GRIA2: variants seen among roughly 807,000 people sequenced by gnomAD.
GRIA2 encodes glutamate receptor 2.
A neutral mutation model predicts 97.3 loss-of-function variants in GRIA2; 14 were observed. The observed-to-expected ratio is 0.14, with a 90% CI of 0.10 to 0.23. The LOEUF is 0.23. Among genes scored for constraint, GRIA2 ranks in the 10% least tolerant of loss-of-function variants. The pLI is 1.00. For synonymous variants in GRIA2, 412 were observed against 387.8 expected, an observed-to-expected ratio of 1.06 and a Z score of -0.73; for missense variants, 558 against 1,069.8, an observed-to-expected ratio of 0.52 and a Z score of 6.67.
chr4:157,338,058 AT>A (rs58734857), intron 11 of GRIA2, among the ~76,000 whole-genome samples: 6,649 of 44,068 alleles, frequency 0.15, 627 homozygotes, highest in East Asian at 0.26. Context: ...ATACACACAC[AT>A]TTTTTTTATC....
chr4:157,314,258 T>A (rs960027686), intron 4 of GRIA2, among the ~76,000 whole-genome samples: 2 of 152,136 alleles, frequency 1.3e-5, no homozygotes. Flanking sequence ...GAGGAAAAAA[T>A]TTGATTCATT....
intron 2 of GRIA2, among the ~76,000 whole-genome samples, chr4:157,280,972 AAC>A (rs796740259): frequency 1.2e-4 from 18 of 152,072 alleles, no homozygotes; most frequent in African/African-American, 4.3e-4. Context: ...TCATTCAATT[AAC>A]AGTCTCAAAG....
chr4:157,252,290 G>T (rs992386253), intron 2 of GRIA2, among the ~76,000 whole-genome samples: 1 of 152,070 alleles, frequency 6.6e-6, no homozygotes, highest in African/African-American at 2.4e-5. Context: ...CGAGCCGACT[G>T]GGCCACTCTT....
rs1309184986 is a variant in GRIA2 at position 157,321,440 on chromosome 4, A to G, written c.723A>G (p.Gly241=). ...ATATCAATGTGTTCTATGTTTAGGG[A>G]TTTACTGATGGAGACCTATTAAAAA... ...KGYHYIIANL[G]FTDGDLLKIQ... The change falls in exon 6 of 16, where the codon GGA becomes GGG. Residue 241 remains glycine, a splice_region_variant and synonymous_variant. Transcript: ENST00000264426. The G allele has an allele frequency of 6.2e-7, 1 of 1,604,758 alleles. No homozygotes were observed. Among genetic ancestry groups the G allele is most frequent in the South Asian group, 1.1e-5 (1 of 90,006 alleles).
At chr4:157,308,438 T>A (rs1733935383) in intron 3 of GRIA2, among the ~76,000 whole-genome samples, 1 of 152,174 alleles carries the variant, frequency 6.6e-6, no homozygotes, top group Non-Finnish European at 1.5e-5. Context: ...TGTAGCAATA[T>A]TCTTGAGGGT....
chr4:157,220,713 A>C, upstream of GRIA2: 1 of 350,412 alleles, frequency 2.9e-6, no homozygotes, highest in Non-Finnish European at 5.3e-6. Context: ...GGGAGAAGAG[A>C]GCGCGAGAGA....
intron 12 of GRIA2, among the ~76,000 whole-genome samples, chr4:157,347,728 T>C (rs1294916866): frequency 1.3e-5 from 2 of 152,146 alleles, no homozygotes; most frequent in African/African-American, 4.8e-5. Flanking sequence ...CAGAGCTCTA[T>C]AGAGAAGAGA....
chr4:157,282,851 G>A (rs879238697), intron 2 of GRIA2, among the ~76,000 whole-genome samples: 4 of 152,090 alleles, frequency 2.6e-5, no homozygotes, highest in South Asian at 2.1e-4. Context: ...TGTATGAGCC[G>A]ACATCCAAAA....
intron 3 of GRIA2, among the ~76,000 whole-genome samples, chr4:157,307,318 C>T (rs1429519045): frequency 6.6e-6 from 1 of 152,144 alleles, no homozygotes; most frequent in Non-Finnish European, 1.5e-5. Context: ...GACTATATAC[C>T]ACTTTTAAAC....
chr4:157,288,412 G>T (rs1449776915), intron 2 of GRIA2, among the ~76,000 whole-genome samples: 1 of 151,032 alleles, frequency 6.6e-6, no homozygotes, highest in Non-Finnish European at 1.5e-5. Flanking sequence ...TAGGCCTCGG[G>T]TTACTCGATC....
chr4:157,297,197 T>TAG (rs1383780208), intron 2 of GRIA2, among the ~76,000 whole-genome samples: 1 of 152,090 alleles, frequency 6.6e-6, no homozygotes, highest in African/African-American at 2.4e-5. Context: ...AGAGCACAGA[T>TAG]AGAGAGGTCT....
chr4:157,309,969 G>A (rs936880142), intron 3 of GRIA2, among the ~76,000 whole-genome samples: 1 of 152,286 alleles, frequency 6.6e-6, no homozygotes, highest in South Asian at 2.1e-4. Context: ...TGACAAGGGG[G>A]AGTTGAACCA....
At position 157,338,355 on chromosome 4, in the gene GRIA2, G is replaced by A. The variant is rs144072270; in HGVS notation, c.1844+1608G>A. Among the ~76,000 whole-genome samples the A allele has an allele frequency of 8.1e-3, 1,233 of 151,942 alleles. 16 individuals are homozygous for A. The highest frequency in any genetic ancestry group is 0.024 in the African/African-American group (1,013 of 41,470). ...TGTATGTGGGTTCATTATGAAGTAG[G>A]ATGTGTCAGCCCAGTCTGGCCTGGG... On this transcript the variant is annotated intron_variant, in intron 11 of 15. Coordinates refer to ENST00000264426, the MANE Select transcript of GRIA2 (RefSeq NM_001083619.3).
rs185368667 is a variant in GRIA2 at position 157,364,780 on chromosome 4, A to G, written c.*1349A>G. On this transcript the variant is annotated 3_prime_UTR_variant, in exon 16 of 16. Transcript: ENST00000264426. The stretch of plus-strand genomic sequence containing the variant: ...AAAATATGTTTGAGTCTCCTGCAAT[A>G]TAGTTTCATCCCATTGACATCAATT... The G allele has an allele frequency of 2.0e-5, 3 of 152,244 alleles. No homozygotes were observed. The East Asian group carries it at 5.8e-4, about 29-fold the overall frequency. 9.4% of individuals were successfully genotyped at this position (152,244 alleles called of 1,614,324 possible). A position where few individuals can be genotyped will look rare whatever the true frequency, so the allele number is the denominator to read the frequency against.
intron 2 of GRIA2, 82 bp from the exon 3 acceptor site, chr4:157,303,470 A>C: frequency 1.8e-6 from 2 of 1,116,704 alleles, no homozygotes; most frequent in Non-Finnish European, 2.7e-6. Context: ...TTTATGTAAA[A>C]GGACATTACG....
chr4:157,318,284 T>C (rs1734413571), intron 5 of GRIA2, among the ~76,000 whole-genome samples: 1 of 152,186 alleles, frequency 6.6e-6, no homozygotes, highest in South Asian at 2.1e-4. Context: ...ATTTTTAGCA[T>C]ATATAATATC....
intron 2 of GRIA2, among the ~76,000 whole-genome samples, chr4:157,289,743 C>G (rs1312542090): frequency 1.3e-5 from 2 of 151,648 alleles, no homozygotes; most frequent in African/African-American, 2.4e-5. Context: ...TGCAAGCACA[C>G]AGACACACAT....
chr4:157,228,707 C>A (rs80348787), intron 2 of GRIA2, among the ~76,000 whole-genome samples: 4,897 of 138,388 alleles, frequency 0.035, 276 homozygotes, highest in African/African-American at 0.12. Context: ...GCAGTAGGAT[C>A]GGTTGAACCC....
At chr4:157,338,808 A>G (rs1214604144) in intron 11 of GRIA2, among the ~76,000 whole-genome samples, 2 of 152,102 alleles carry the variant, frequency 1.3e-5, no homozygotes, top group African/African-American at 4.8e-5. Flanking sequence ...TCAACATAAT[A>G]CATTGGAAAA....
Sources: gnomAD v4.1 joint callset for allele counts (sites outside exome capture counted in the v4.1 genomes callset) on GRCh38, gnomAD v4.1.1 for gene constraint, MANE v1.5 for transcripts, NCBI Gene and HGNC (gene_info 2026-07-23, HGNC 2026-07-21) for gene names.